GRM7: variants seen among roughly 807,000 people sequenced by gnomAD.
GRM7 encodes the protein glutamate metabotropic receptor 7.
In GRM7, 35 loss-of-function variants were observed where a neutral mutation model predicts 84.5. That is an observed-to-expected ratio of 0.41 (90% confidence interval 0.32 to 0.55). The LOEUF is 0.55. GRM7 is among the 20% of genes least tolerant of loss of function. The pLI is 0.19. For synonymous variants in GRM7, 487 were observed against 455.1 expected (o/e 1.07, Z -0.89); for missense variants, 1,003 against 1,194.6 (o/e 0.84, Z 2.36).
chr3:7,395,875 T>C (rs796970911), intron 4 of GRM7, among the ~76,000 whole-genome samples: 4 of 152,252 alleles, frequency 2.6e-5, no homozygotes, highest in African/African-American at 9.6e-5. Flanking sequence ...AATGATAATA[T>C]ATTTTCAGTT....
chr3:7,158,067 C>G (rs1694511115), intron 2 of GRM7, among the ~76,000 whole-genome samples: 1 of 152,112 alleles, frequency 6.6e-6, no homozygotes, highest in African/African-American at 2.4e-5. Flanking sequence ...TTTATAGAGT[C>G]TACTGTTTGT....
intron 9 of GRM7, among the ~76,000 whole-genome samples, chr3:7,733,118 G>A (rs1483132100): frequency 6.6e-6 from 1 of 152,116 alleles, no homozygotes; most frequent in Non-Finnish European, 1.5e-5. Flanking sequence ...TATCAGCAAG[G>A]TCTTTATGAC....
intron 1 of GRM7, among the ~76,000 whole-genome samples, chr3:6,910,954 ATATTTGTATC>A (rs1696747534): frequency 6.6e-6 from 1 of 152,122 alleles, no homozygotes; most frequent in African/African-American, 2.4e-5. Flanking sequence ...TCCAGTACAA[ATATTTGTATC>A]TACCAAGCAC....
chr3:7,613,722 T>C (rs1327813127), intron 8 of GRM7, among the ~76,000 whole-genome samples: 3 of 152,204 alleles, frequency 2.0e-5, no homozygotes, highest in African/African-American at 7.2e-5. Flanking sequence ...GATCATCTTA[T>C]GATAGCCTTT....
chr3:6,919,388 A>G (rs60980498), intron 1 of GRM7, among the ~76,000 whole-genome samples: 65,762 of 128,086 alleles, frequency 0.51, 18,175 homozygotes, highest in African/African-American at 0.79. Flanking sequence ...TTTTTTTTTA[A>G]TAGAGATGGG....
intron 4 of GRM7, among the ~76,000 whole-genome samples, chr3:7,364,651 G>A (rs559281934): frequency 6.6e-6 from 1 of 151,318 alleles, no homozygotes; most frequent in Admixed American, 6.6e-5. Context: ...TGATAATTCT[G>A]AAATTTTAAT....
rs921805076 is a variant in GRM7, at chr3:7,501,072, G to C, written c.1515+39350G>C. ...AAGTAAAAAGATAACTAATGTAACA[G>C]CTGATCTTTATTGACTATATAGAGT... is the stretch of plus-strand genomic sequence containing the variant. On this transcript the variant is annotated intron_variant, in intron 7 of 9. Coordinates refer to ENST00000357716, the MANE Select transcript of GRM7 (RefSeq NM_000844.4). Among the ~76,000 whole-genome samples, 5 of 152,138 alleles carry C rather than the reference G, an allele frequency of 3.3e-5. 1 individual carries two copies. The highest frequency in any genetic ancestry group is 7.3e-5 in the Non-Finnish European group (5 of 68,044).
At chr3:7,322,427 G>A (rs1700817989) in intron 4 of GRM7, among the ~76,000 whole-genome samples, 1 of 151,740 alleles carries the variant, frequency 6.6e-6, no homozygotes, top group Admixed American at 6.6e-5. Context: ...AGTTTTTGGG[G>A]AACAGGTTTT....
chr3:7,142,501 C>T (rs572784845), intron 1 of GRM7, among the ~76,000 whole-genome samples: 84 of 151,688 alleles, frequency 5.5e-4, no homozygotes, highest in African/African-American at 1.9e-3. Context: ...ATCATCAGGT[C>T]TTGTGAGAAC....
intron 8 of GRM7, among the ~76,000 whole-genome samples, chr3:7,664,293 G>A (rs1044499324): frequency 5.7e-5 from 6 of 104,964 alleles, no homozygotes; most frequent in African/African-American, 2.3e-4. Context: ...TGTTGTAATC[G>A]TGGAATAAAT....
intron 2 of GRM7, among the ~76,000 whole-genome samples, chr3:7,198,668 A>G (rs1386376408): frequency 6.6e-6 from 1 of 152,210 alleles, no homozygotes; most frequent in East Asian, 1.9e-4. Context: ...CCTATTGTAT[A>G]ATAAGGTGTT....
chr3:6,919,301 C>G (rs930656345), intron 1 of GRM7, among the ~76,000 whole-genome samples: 1 of 151,534 alleles, frequency 6.6e-6, no homozygotes, highest in South Asian at 2.1e-4. Context: ...TGGGTTCAAG[C>G]GATTCTTCTG....
intron 1 of GRM7, among the ~76,000 whole-genome samples, chr3:6,878,651 C>T (rs544375847): frequency 1.3e-5 from 2 of 152,270 alleles, no homozygotes; most frequent in South Asian, 4.1e-4. Context: ...AGCAAAGGCT[C>T]TCAAACATCA....
intron 1 of GRM7, among the ~76,000 whole-genome samples, chr3:7,049,064 T>C (rs1203794662): frequency 6.6e-6 from 1 of 152,000 alleles, no homozygotes; most frequent in African/African-American, 2.4e-5. Context: ...TATTAAAATG[T>C]TGAAACAAAA....
chr3:6,989,935 T>C (rs1694570875), intron 1 of GRM7, among the ~76,000 whole-genome samples: 1 of 152,268 alleles, frequency 6.6e-6, no homozygotes, highest in Non-Finnish European at 1.5e-5. Context: ...TTCAGAAATG[T>C]GAACAGCTGT....
chr3:7,572,803 C>G (rs375988044), intron 7 of GRM7, among the ~76,000 whole-genome samples: 1 of 119,590 alleles, frequency 8.4e-6, no homozygotes, highest in African/African-American at 3.3e-5. Flanking sequence ...GCCTGGGCGA[C>G]AGAGTGAGAC....
chr3:7,299,200 A>C (rs998138381), intron 3 of GRM7, among the ~76,000 whole-genome samples: 1 of 152,190 alleles, frequency 6.6e-6, no homozygotes, highest in African/African-American at 2.4e-5. Context: ...CTTTAACTTC[A>C]ATATGTTCAA....
intron 1 of GRM7, among the ~76,000 whole-genome samples, chr3:7,136,560 A>C (rs1693778927): frequency 6.6e-6 from 1 of 152,122 alleles, no homozygotes. Context: ...GGAAAAGAAA[A>C]GGTGAGAAAA....
intron 1 of GRM7, among the ~76,000 whole-genome samples, chr3:6,982,773 A>G (rs964870650): frequency 1.3e-5 from 2 of 152,176 alleles, no homozygotes; most frequent in Admixed American, 6.5e-5. Context: ...TTGGCTTAAT[A>G]CCTTTGAGAT....
Sources: gnomAD v4.1 joint callset for allele counts (sites outside exome capture counted in the v4.1 genomes callset) on GRCh38, gnomAD v4.1.1 for gene constraint, MANE v1.5 for transcripts, NCBI Gene and HGNC (gene_info 2026-07-23, HGNC 2026-07-21) for gene names.